USH2A: variants seen among roughly 807,000 people sequenced by gnomAD.
The protein encoded by USH2A is Usher syndrome 2A (autosomal recessive, mild).
Under a neutral mutation model 538.9 loss-of-function variants are expected in USH2A, and 443 were observed. That is an observed-to-expected ratio of 0.82 (90% CI 0.76 to 0.89). USH2A has a LOEUF of 0.89. Among genes scored for constraint, USH2A ranks in the 40% least tolerant of loss-of-function variants. USH2A has a pLI of 0.00. For synonymous variants in USH2A, 2,413 were observed against 2,273.5 expected (o/e 1.06, Z -1.75); for missense variants, 6,633 against 6,324.8 (o/e 1.05, Z -1.65).
At chr1:216,366,934 A>G (rs1341487324) in intron 3 of USH2A, among the ~76,000 whole-genome samples, 1 of 152,144 alleles carries the variant, frequency 6.6e-6, no homozygotes, top group East Asian at 1.9e-4. Context: ...TAAAAGATAC[A>G]GGCTTTTCTA....
chr1:216,231,836 A>G, intron 14 of USH2A, 117 bp downstream of exon 14: 1 of 1,251,330 alleles, frequency 8.0e-7, no homozygotes, highest in Non-Finnish European at 1.2e-6. Flanking sequence ...TACAGGTGTG[A>G]GCCACCAAGC....
intron 32 of USH2A, among the ~76,000 whole-genome samples, chr1:216,013,069 T>G (rs910809393): frequency 1.3e-5 from 2 of 152,140 alleles, no homozygotes; most frequent in Non-Finnish European, 2.9e-5. Context: ...ATAAATAATC[T>G]TTGCTGGCAG....
chr1:216,028,478 A>G (rs1669020557), intron 32 of USH2A, among the ~76,000 whole-genome samples: 1 of 152,134 alleles, frequency 6.6e-6, no homozygotes, highest in Non-Finnish European at 1.5e-5. Context: ...ATAAATTATC[A>G]AAGAAAATCT....
intron 67 of USH2A, among the ~76,000 whole-genome samples, chr1:215,645,624 G>T (rs975151314): frequency 6.6e-6 from 1 of 152,204 alleles, no homozygotes. Flanking sequence ...ATCCTACCAT[G>T]TTGTTGCTCA....
At chr1:215,835,108 T>C (rs1357702455) in intron 47 of USH2A, among the ~76,000 whole-genome samples, 3 of 150,346 alleles carry the variant, frequency 2.0e-5, no homozygotes, top group African/African-American at 4.9e-5. Flanking sequence ...TCTGAATCTA[T>C]TGTATCATGT....
chr1:215,953,007 G>C (rs1025558384), intron 37 of USH2A, among the ~76,000 whole-genome samples: 1 of 152,078 alleles, frequency 6.6e-6, no homozygotes, highest in African/African-American at 2.4e-5. Flanking sequence ...CAACTTACAA[G>C]GGACGTGAAG....
At chr1:216,150,651 T>C (rs2102619583) in intron 21 of USH2A, among the ~76,000 whole-genome samples, 1 of 152,250 alleles carries the variant, frequency 6.6e-6, no homozygotes, top group Admixed American at 6.5e-5. Flanking sequence ...TCAGCAAGAC[T>C]TCCCCAGACA....
intron 48 of USH2A, among the ~76,000 whole-genome samples, chr1:215,816,037 AT>A (rs1422303143): frequency 1.3e-5 from 2 of 152,094 alleles, no homozygotes; most frequent in African/African-American, 4.8e-5. Context: ...AAAGAAAAAA[AT>A]TGAGAAGTGA....
chr1:216,290,619 A>T (rs1398571269), intron 10 of USH2A, among the ~76,000 whole-genome samples: 1 of 152,192 alleles, frequency 6.6e-6, no homozygotes, highest in African/African-American at 2.4e-5. Flanking sequence ...TGTCACTAAC[A>T]TGTGTAAGTG....
intron 16 of USH2A, chr1:216,201,813 C>A: frequency 4.5e-6 from 1 of 223,700 alleles, no homozygotes; most frequent in Middle Eastern, 5.3e-4. Flanking sequence ...ACCATGGGTA[C>A]CAGAGGTCGC....
chr1:215,657,765 A>G (rs1418803308), intron 64 of USH2A, among the ~76,000 whole-genome samples: 1 of 152,160 alleles, frequency 6.6e-6, no homozygotes, highest in Non-Finnish European at 1.5e-5. Flanking sequence ...TACTGGAAAA[A>G]TAACAAGACA....
intron 69 of USH2A, among the ~76,000 whole-genome samples, chr1:215,636,431 G>A (rs929499284): frequency 2.0e-5 from 3 of 152,136 alleles, no homozygotes; most frequent in Non-Finnish European, 4.4e-5. Context: ...TAAAATAAAG[G>A]GTTGAGTCAA....
At chr1:215,989,576 G>A (rs571926) in intron 35 of USH2A, among the ~76,000 whole-genome samples, 65,343 of 151,888 alleles carry the variant, frequency 0.43, 14,577 homozygotes, top group African/African-American at 0.5. Context: ...TTTTTGCATG[G>A]CATGAGGAGG....
chr1:215,691,229 G>A (rs1467502713), intron 61 of USH2A, among the ~76,000 whole-genome samples: 1 of 152,048 alleles, frequency 6.6e-6, no homozygotes, highest in African/African-American at 2.4e-5. Flanking sequence ...CATAGCAAAA[G>A]TGTATTTTGG....
chr1:215,707,914 A>T (rs1206501711), intron 61 of USH2A, among the ~76,000 whole-genome samples: 1 of 152,216 alleles, frequency 6.6e-6, no homozygotes, highest in East Asian at 1.9e-4. Context: ...TTAAATATCA[A>T]TATATAGGAA....
intron 35 of USH2A, among the ~76,000 whole-genome samples, chr1:215,972,087 T>C (rs974179502): frequency 6.6e-6 from 1 of 152,194 alleles, no homozygotes. Flanking sequence ...CACGCTTCTA[T>C]AGCCTGTTCT....
At chr1:216,022,171 A>G (rs1668859242) in intron 32 of USH2A, among the ~76,000 whole-genome samples, 1 of 152,134 alleles carries the variant, frequency 6.6e-6, no homozygotes, top group African/African-American at 2.4e-5. Flanking sequence ...CCGTGAGCCA[A>G]TTAAACCTCT....
At chr1:216,417,677 C>T (rs770969157) in intron 3 of USH2A, among the ~76,000 whole-genome samples, 1 of 152,024 alleles carries the variant, frequency 6.6e-6, no homozygotes, top group African/African-American at 2.4e-5. Flanking sequence ...TGTCTGCTGC[C>T]GTGATTGTAA....
intron 14 of USH2A, among the ~76,000 whole-genome samples, chr1:216,224,413 T>G (rs1301336573): frequency 2.6e-5 from 4 of 152,230 alleles, no homozygotes; most frequent in African/African-American, 9.6e-5. Context: ...GGCAGATTTT[T>G]TTTGCTTCAT....
Sources: allele counts gnomAD v4.1 joint callset (sites outside exome capture counted in the v4.1 genomes callset), GRCh38; gene constraint gnomAD v4.1.1; transcripts MANE v1.5; gene names NCBI Gene and HGNC (gene_info 2026-07-23, HGNC 2026-07-21).